GMCL1: variants seen among roughly 807,000 people sequenced by gnomAD.
GMCL1 encodes germ cell-less 1, spermatogenesis associated, also known as germ cell-less protein-like 1.
In GMCL1, 54 loss-of-function variants were observed where a neutral mutation model predicts 75.5. The ratio of observed to expected loss-of-function variants is 0.71; its 90% CI spans 0.57 to 0.90. The LOEUF (loss-of-function observed/expected upper bound fraction) is 0.90. GMCL1 is among the 40% of genes least tolerant of loss of function. The pLI, the probability that GMCL1 is intolerant of heterozygous loss-of-function variation, is 0.00. For missense variants in GMCL1, 537 were observed against 622.7 expected, an observed-to-expected ratio of 0.86 and a Z score of 1.47; for synonymous variants, 210 against 209.6, an observed-to-expected ratio of 1.00 and a Z score of -0.02.
At chr2:69,839,672 A>G in intron 3 of GMCL1, 119 bp downstream of exon 3, 1 of 588,842 alleles carries the variant, frequency 1.7e-6, no homozygotes, top group Non-Finnish European at 3.1e-6. Flanking sequence ...TTATCACCTC[A>G]AGGTGATAAT....
chr2:69,864,918 A>G lies in GMCL1; in HGVS notation c.1161A>G (p.Lys387=). 2 of 1,612,554 alleles carry G rather than the reference A, an allele frequency of 1.2e-6. No individual in the cohort carries two copies. Among genetic ancestry groups the G allele is most frequent in the Non-Finnish European group, 1.7e-6 (2 of 1,178,766 alleles). The change falls in exon 11 of 14, where the codon AAA becomes AAG. Residue 387 remains lysine (K), a synonymous_variant. Transcript: ENST00000282570. ...DSEVGPQEIN[K]EELEGNSMRC... is the part of the protein sequence containing the mutation. ...TTTTTAGGCCTCAAGAAATCAATAA[A>G]GAAGAACTAGAGGGAAACAGCATGA...
In GMCL1 at chr2:69,860,654, A is replaced by G. The variant is rs750995135; in HGVS notation, c.1073-624A>G. Among the ~76,000 whole-genome samples the G allele has an allele frequency of 1.1e-4, 17 of 152,252 alleles. No homozygotes were observed. The South Asian group carries it at 2.3e-3, about 20-fold the overall frequency. On this transcript the variant is annotated intron_variant, in intron 9 of 13. Transcript: ENST00000282570. ...TACAATTGAAAAATTAATATGAACT[A>G]TGAAAGGGAAAACGTTAAACGCAAG...
At chr2:69,843,374 A>G in intron 5 of GMCL1, 113 bp downstream of exon 5, 1 of 577,390 alleles carries the variant, frequency 1.7e-6, no homozygotes, top group Middle Eastern at 3.2e-4. Context: ...AAAATAGGAT[A>G]GGGGGATGGA....
At position 69,850,413 on chromosome 2, in the gene GMCL1, C is replaced by T. The variant is rs540400081; in HGVS notation, c.934+671C>T. ...ACATATCTAGAAAAAGTATTTTTTA[C>T]GGCTGTCAGGTGCAAAGAACTGGAT... On this transcript the variant is annotated intron_variant, in intron 8 of 13. Coordinates refer to ENST00000282570, the MANE Select transcript of GMCL1 (RefSeq NM_178439.5). Among the ~76,000 whole-genome samples the T allele has an allele frequency of 6.6e-5, 10 of 152,172 alleles. No homozygotes were observed. The South Asian group carries it at 8.3e-4, about 13-fold the overall frequency.
At chr2:69,845,282 T>G (rs1675106244) in intron 6 of GMCL1, among the ~76,000 whole-genome samples, 1 of 152,032 alleles carries the variant, frequency 6.6e-6, no homozygotes, top group Admixed American at 6.5e-5. Flanking sequence ...GAGCCAGAGG[T>G]CCAAGATTTC....
In GMCL1 at chr2:69,847,610, T is replaced by C. The variant is rs1675191586; in HGVS notation, c.826T>C (p.Tyr276His). The C allele has an allele frequency of 1.2e-6, 2 of 1,603,790 alleles. No homozygotes were observed. Among genetic ancestry groups the C allele is most frequent in the African/African-American group, 1.3e-5 (1 of 74,752 alleles). The change falls in exon 7 of 14, where the codon TAC (tyrosine) becomes CAC (histidine). Residue 276 changes from tyrosine to histidine, a missense_variant. Physicochemically the swap from Tyr to His is moderately conservative, Grantham distance 83. Around this residue, in one of 3 missense-constraint regions of GMCL1, gnomAD observed 345 missense variants for 410.5 expected, o/e 0.84. Transcript: ENST00000282570. ...LFVMQVEMDIYTALKKWMFLQ... is the reference protein window; with the variant it reads ...LFVMQVEMDIHTALKKWMFLQ... Reference sequence around the variant, plus strand: ...TGTGATGCAAGTGGAGATGGATATATACACTGCTCTAAAAAAGGTACTGAC... The same window carrying C: ...TGTGATGCAAGTGGAGATGGATATACACACTGCTCTAAAAAAGGTACTGAC...
chr2:69,857,306 C>A (rs1039677702), intron 9 of GMCL1, among the ~76,000 whole-genome samples: 9 of 152,180 alleles, frequency 5.9e-5, no homozygotes, highest in Non-Finnish European at 1.0e-4. Context: ...TAAATTAAAC[C>A]TTCTTTGTTC....
chr2:69,853,189 G>T (rs1675369452), intron 8 of GMCL1, among the ~76,000 whole-genome samples: 2 of 152,072 alleles, frequency 1.3e-5, no homozygotes, highest in Admixed American at 6.5e-5. Flanking sequence ...AAACAAAATG[G>T]TATTCTCAGC....
intron 1 of GMCL1, among the ~76,000 whole-genome samples, chr2:69,836,033 T>C (rs1674809326): frequency 6.6e-6 from 1 of 152,218 alleles, no homozygotes; most frequent in African/African-American, 2.4e-5. Context: ...TCAGTATCTG[T>C]ACTCTCCTTA....
intron 6 of GMCL1, 172 bp downstream of exon 6, chr2:69,844,368 T>C (rs1199619702): frequency 6.6e-6 from 3 of 452,332 alleles, no homozygotes; most frequent in Non-Finnish European, 1.2e-5. Context: ...CAAACTTATT[T>C]CTTTGTTGTG....
rs1157338061 is a variant in GMCL1 at position 69,861,279 on chromosome 2, A to G, written c.1074A>G (p.Glu358=). The part of the protein sequence containing the change: ...IIEQDAVVPS[E]WLSSVYKQQW... ...TATTAATTTATTCTTACATTTCAGAATGGCTCTCTTCTGTGTATAAACAGC... is the reference window on the plus strand; with the variant it reads ...TATTAATTTATTCTTACATTTCAGAGTGGCTCTCTTCTGTGTATAAACAGC... The change falls in exon 10 of 14, where the codon GAA becomes GAG. Residue 358 remains glutamate (E), a splice_region_variant and synonymous_variant. Coordinates refer to ENST00000282570, the MANE Select transcript of GMCL1 (RefSeq NM_178439.5). The G allele has an allele frequency of 6.3e-7, 1 of 1,593,060 alleles. No homozygotes were observed. Among genetic ancestry groups the G allele is most frequent in the South Asian group, 1.1e-5 (1 of 88,882 alleles).
intron 9 of GMCL1, 24 bp from the exon 10 acceptor site, chr2:69,861,254 T>G (rs918241658): frequency 1.1e-5 from 16 of 1,468,236 alleles, no homozygotes; most frequent in Admixed American, 1.9e-5. Flanking sequence ...TATTTATTAT[T>G]ATTAATTTAT....
chr2:69,831,590 GT>G (rs879897499), intron 1 of GMCL1, among the ~76,000 whole-genome samples: 5 of 150,552 alleles, frequency 3.3e-5, no homozygotes, highest in African/African-American at 7.3e-5. Context: ...GTGTAGCATA[GT>G]TTTTTTTTCC....
chr2:69,863,144 G>C (rs151019440), intron 10 of GMCL1, among the ~76,000 whole-genome samples: 1 of 152,040 alleles, frequency 6.6e-6, no homozygotes, highest in Non-Finnish European at 1.5e-5. Context: ...CTCTAGTCCC[G>C]CAGTTAGTTG....
At chr2:69,875,911 C>G (rs1344607661) in intron 13 of GMCL1, among the ~76,000 whole-genome samples, 4 of 152,072 alleles carry the variant, frequency 2.6e-5, no homozygotes, top group African/African-American at 9.7e-5. Context: ...AAGATGGTCT[C>G]GATCTCCTGA....
chr2:69,848,882 G>A (rs1445353454), intron 7 of GMCL1, among the ~76,000 whole-genome samples: 1 of 152,142 alleles, frequency 6.6e-6, no homozygotes, highest in East Asian at 1.9e-4. Flanking sequence ...GCCAGGTTCA[G>A]GATTTAAAAG....
At position 69,863,697 on chromosome 2, in the gene GMCL1, A is replaced by G. The variant is rs140892180; in HGVS notation, c.1143-1203A>G. ...AAAAGTTACAGAATAAATGCTTGGG[A>G]ACTTGTTACCTACAAGAGCAGTTGA... On this transcript the variant is annotated intron_variant, in intron 10 of 13. Transcript: ENST00000282570. Among the ~76,000 whole-genome samples, 94 of 152,302 alleles carry G rather than the reference A, an allele frequency of 6.2e-4. 1 individual carries two copies. The highest frequency in any genetic ancestry group is 1.3e-3 in the Admixed American group (20 of 15,292).
At chr2:69,878,040 C>T (rs1488181556) in intron 13 of GMCL1, among the ~76,000 whole-genome samples, 4 of 152,252 alleles carry the variant, frequency 2.6e-5, no homozygotes, top group South Asian at 4.1e-4. Flanking sequence ...ATTCTATTTA[C>T]CAAATGCTTC....
chr2:69,878,896 A>G lies in GMCL1; in HGVS notation c.1453-13A>G, dbSNP rs747464557. The G allele has an allele frequency of 7.0e-6, 11 of 1,565,486 alleles. No individual in the cohort carries two copies. Among genetic ancestry groups the G allele is most frequent in the Non-Finnish European group, 8.8e-6 (10 of 1,137,556 alleles). Reference sequence around the variant, plus strand: ...TATCTAATTGTCATTGAATCTACAAATCTGTCTTATAGGAACAAGTGGTGA... The same window carrying G: ...TATCTAATTGTCATTGAATCTACAAGTCTGTCTTATAGGAACAAGTGGTGA... On this transcript the variant is annotated splice_polypyrimidine_tract_variant and intron_variant, in intron 13 of 13. Transcript: ENST00000282570.
Sources: gnomAD v4.1 joint callset for allele counts (sites outside exome capture counted in the v4.1 genomes callset) on GRCh38, gnomAD v4.1.1 for gene constraint, gnomAD v4.1.1 regional missense constraint, MANE v1.5 for transcripts, NCBI Gene and HGNC (gene_info 2026-07-23, HGNC 2026-07-21) for gene names.